ZC3H6: variants seen among roughly 807,000 people sequenced by gnomAD.
ZC3H6 encodes the protein zinc finger CCCH domain-containing protein 6.
Under a neutral mutation model 107.7 loss-of-function variants are expected in ZC3H6, and 40 were observed. The ratio of observed to expected loss-of-function variants is 0.37; its 90% CI spans 0.29 to 0.48. ZC3H6 has a LOEUF of 0.48. Ranked by LOEUF, ZC3H6 falls within the 20% of genes least tolerant of loss-of-function variation. The probability of loss-of-function intolerance (pLI) is 0.98; values close to 1 mark genes in which losing one functional copy is unlikely to be tolerated. For synonymous variants in ZC3H6, 493 were observed against 487.9 expected (o/e 1.01, Z -0.14); for missense variants, 1,267 against 1,410.4 (o/e 0.90, Z 1.63).
chr2:112,319,620 T>C (rs139182821), intron 7 of ZC3H6, among the ~76,000 whole-genome samples: 2,494 of 151,670 alleles, frequency 0.016, 69 homozygotes, highest in African/African-American at 0.057. Context: ...CACTCCAGCC[T>C]GAGCAACAGA....
Position 112,334,692 on chromosome 2 carries a change from C to A in ZC3H6, c.*2204C>A, listed in dbSNP as rs1178108679. The A allele has an allele frequency of 6.6e-6, 1 of 152,416 alleles. No individual in the cohort carries two copies. The highest frequency in any genetic ancestry group is 1.5e-5 in the Non-Finnish European group (1 of 67,958). 9.4% of individuals were successfully genotyped at this position (152,416 alleles called of 1,614,324 possible). On this transcript the variant is annotated 3_prime_UTR_variant, in exon 12 of 12. Coordinates refer to ENST00000409871, the MANE Select transcript of ZC3H6 (RefSeq NM_198581.3). ...TGTTTAAAATAACTTATTTATTATG[C>A]AGCATTTTTATTGTGATAACGTTAG...
Position 112,303,210 on chromosome 2 carries a change from G to A in ZC3H6, c.214-19G>A, listed in dbSNP as rs569838930. The A allele has an allele frequency of 1.1e-5, 17 of 1,591,638 alleles. No homozygotes were observed. Among genetic ancestry groups the A allele is most frequent in the Middle Eastern group, 1.7e-4 (1 of 5,956 alleles). On this transcript the variant is annotated intron_variant, in intron 2 of 11. Transcript: ENST00000409871. ...TTCCTTTTGCAAATGTAACATATTTGTCTTTCCCCTCCCTTCAGCATAATT... is the reference window on the plus strand; with the variant it reads ...TTCCTTTTGCAAATGTAACATATTTATCTTTCCCCTCCCTTCAGCATAATT...
chr2:112,332,282 G>C lies in ZC3H6; in HGVS notation c.3364G>C (p.Gly1122Arg). The C allele has an allele frequency of 6.2e-7, 1 of 1,613,904 alleles. No homozygotes were observed. Residue 1122 changes from glycine to arginine, a missense_variant, in exon 12 of 12, where the codon GGT becomes CGT. This residue lies in a region of ZC3H6 where 925 missense variants were observed against 1,025.7 expected (regional missense o/e 0.90). Transcript: ENST00000409871. ...ACAGGCGGACGTTCCCAGGAGTTCT[G>C]GTAAGGTTCAGGTCCCAGCAGTGCA... is the stretch of plus-strand genomic sequence containing the variant. ...DPQADVPRSSGKVQVPAVHSL... is the reference protein window; with the variant it reads ...DPQADVPRSSRKVQVPAVHSL...
At chr2:112,276,129 C>G in intron 1 of ZC3H6, 103 bp downstream of exon 1, 2 of 1,002,484 alleles carry the variant, frequency 2.0e-6, no homozygotes, top group Non-Finnish European at 2.9e-6. Flanking sequence ...CTAGACGTCT[C>G]TGTGTGGCTC....
rs1449463812 is a variant in ZC3H6, at chr2:112,333,332, T to C, written c.*844T>C. ...ATTGTGTTCATCATGACTTTGGCGA[T>C]TTTTAACAAAATTTTTAAAGACCCA... On this transcript the variant is annotated 3_prime_UTR_variant, in exon 12 of 12. Transcript: ENST00000409871. 1 of 152,608 alleles carries C rather than the reference T, an allele frequency of 6.6e-6. No homozygotes were observed. Among genetic ancestry groups the C allele is most frequent in the Non-Finnish European group, 1.5e-5 (1 of 67,982 alleles). 9.5% of individuals were successfully genotyped at this position (152,608 alleles called of 1,614,324 possible). A position where few individuals can be genotyped will look rare whatever the true frequency, so the allele number is the denominator to read the frequency against.
rs1676714141 is a variant in ZC3H6, at chr2:112,317,211, T to TC, written c.865-10_865-9insC. 7.2e-7 allele frequency: 1 copy of TC among 1,395,238 alleles called. No individual in the cohort carries two copies. The highest frequency in any genetic ancestry group is 1.5e-5 in the South Asian group (1 of 64,858). 86.4% of individuals were successfully genotyped at this position (1,395,238 alleles called of 1,614,324 possible). A position where few individuals can be genotyped will look rare whatever the true frequency, so the allele number is the denominator to read the frequency against. ...TTTTTCTTTTTTCTTTTTTTTTTTT[T>TC]TGTGAATAGGGAGATCAGTGTAAAT... On this transcript the variant is annotated splice_polypyrimidine_tract_variant and intron_variant, in intron 6 of 11. Transcript: ENST00000409871.
At chr2:112,291,152 A>G (rs1676106143) in intron 1 of ZC3H6, among the ~76,000 whole-genome samples, 1 of 152,252 alleles carries the variant, frequency 6.6e-6, no homozygotes, top group East Asian at 1.9e-4. Flanking sequence ...GTGTAAGCTA[A>G]TCTCAGTTTT....
In ZC3H6 at chr2:112,332,286, A is replaced by G. The variant is rs1361342333; in HGVS notation, c.3368A>G (p.Lys1123Arg). The G allele has an allele frequency of 4.3e-6, 7 of 1,613,758 alleles. No homozygotes were observed. The highest frequency in any genetic ancestry group is 2.5e-6 in the Non-Finnish European group (3 of 1,179,872). The change falls in exon 12 of 12, where the codon AAG becomes AGG. Residue 1123 changes from lysine (K) to arginine (R), a missense_variant. Physicochemically the swap from Lys to Arg is conservative, Grantham distance 26. Around this residue, in one of 3 missense-constraint regions of ZC3H6, gnomAD observed 925 missense variants for 1,025.7 expected, o/e 0.90. Coordinates refer to ENST00000409871, the MANE Select transcript of ZC3H6 (RefSeq NM_198581.3). ...PQADVPRSSG[K>R]VQVPAVHSLP... Reference sequence around the variant, plus strand: ...GCGGACGTTCCCAGGAGTTCTGGTAAGGTTCAGGTCCCAGCAGTGCACAGC... The same window carrying G: ...GCGGACGTTCCCAGGAGTTCTGGTAGGGTTCAGGTCCCAGCAGTGCACAGC...
chr2:112,276,105 G>A (rs1686412960), intron 1 of ZC3H6, 79 bp downstream of exon 1: 3 of 1,364,336 alleles, frequency 2.2e-6, no homozygotes, highest in Non-Finnish European at 3.0e-6. Context: ...GGGGCCGGGC[G>A]CCTCCTGCAT....
chr2:112,279,243 C>T (rs1445912421), intron 1 of ZC3H6, among the ~76,000 whole-genome samples: 1 of 152,142 alleles, frequency 6.6e-6, no homozygotes, highest in Non-Finnish European at 1.5e-5. Flanking sequence ...TCCAGCCGCT[C>T]AGTTTTATAT....
chr2:112,333,155 C>T lies in ZC3H6; in HGVS notation c.*667C>T, dbSNP rs1161030638. 1.3e-5 allele frequency: 2 copies of T among 152,488 alleles called. No homozygotes were observed. Among genetic ancestry groups the T allele is most frequent in the African/African-American group, 2.4e-5 (1 of 41,436 alleles). The allele number at this position is 152,488 out of a possible 1,614,324, so 9.4% of individuals were successfully genotyped here. ...AACATTTTGCTAAAGTGAAAAATTTCCAAGTTCTCTAGCATAACTTTTTAC... is the reference window on the plus strand; with the variant it reads ...AACATTTTGCTAAAGTGAAAAATTTTCAAGTTCTCTAGCATAACTTTTTAC... On this transcript the variant is annotated 3_prime_UTR_variant, in exon 12 of 12. Coordinates refer to ENST00000409871, the MANE Select transcript of ZC3H6 (RefSeq NM_198581.3).
Position 112,321,749 on chromosome 2 carries a change from T to C in ZC3H6, c.977-7T>C, listed in dbSNP as rs781485976. 2 of 1,470,256 alleles carry C rather than the reference T, an allele frequency of 1.4e-6. No individual in the cohort carries two copies. Among genetic ancestry groups the C allele is most frequent in the East Asian group, 2.4e-5 (1 of 40,850 alleles). 91.1% of individuals were successfully genotyped at this position (1,470,256 alleles called of 1,614,324 possible). ...TACTTGGTCTTTTCCTTAATATTTT[T>C]ATTTACATGAATTTCCATGCAAGTT... is the stretch of plus-strand genomic sequence containing the variant. On this transcript the variant is annotated splice_polypyrimidine_tract_variant and splice_region_variant and intron_variant, in intron 7 of 11. Coordinates refer to ENST00000409871, the MANE Select transcript of ZC3H6 (RefSeq NM_198581.3).
chr2:112,321,700 TA>T (rs546847051), intron 7 of ZC3H6, 55 bp from the exon 8 acceptor site: 1,265 of 1,039,952 alleles, frequency 1.2e-3, no homozygotes, highest in African/African-American at 4.6e-3. Context: ...GGTTTTGGTT[TA>T]AAAAAAAATT....
chr2:112,290,792 T>C (rs1427229654), intron 1 of ZC3H6, among the ~76,000 whole-genome samples: 1 of 152,272 alleles, frequency 6.6e-6, no homozygotes, highest in East Asian at 1.9e-4. Context: ...AGTAGTACTT[T>C]GTTCCTTTAC....
At chr2:112,285,605 G>T (rs1338523952) in intron 1 of ZC3H6, among the ~76,000 whole-genome samples, 1 of 151,986 alleles carries the variant, frequency 6.6e-6, no homozygotes, top group Non-Finnish European at 1.5e-5. Context: ...GGATCTGCTG[G>T]CCTCAGTCTT....
At chr2:112,314,150 T>G (rs1676646244) in intron 5 of ZC3H6, among the ~76,000 whole-genome samples, 1 of 151,510 alleles carries the variant, frequency 6.6e-6, no homozygotes, top group Non-Finnish European at 1.5e-5. Flanking sequence ...GGTAGCTTGG[T>G]TTTTTTTCTC....
chr2:112,331,577 G>A lies in ZC3H6; in HGVS notation c.2659G>A (p.Val887Ile). 1 of 1,613,874 alleles carries A rather than the reference G, an allele frequency of 6.2e-7. No individual in the cohort carries two copies. Among genetic ancestry groups the A allele is most frequent in the South Asian group, 1.1e-5 (1 of 91,074 alleles). The change falls in exon 12 of 12, where the codon GTA (valine) becomes ATA (isoleucine). Residue 887 changes from valine to isoleucine, a missense_variant. By Grantham distance (29) the Val-to-Ile change is conservative. Transcript: ENST00000409871. ...GTGGGCTCCCGAAGACTTACTTCCA[G>A]TACCTTTACCTAAACCTGATCCAGT... ...IVWAPEDLLP[V>I]PLPKPDPVSS...
intron 5 of ZC3H6, among the ~76,000 whole-genome samples, chr2:112,313,802 C>T (rs149520001): frequency 2.2e-3 from 332 of 152,190 alleles, no homozygotes; most frequent in Non-Finnish European, 3.4e-3. Flanking sequence ...AAGATAGATC[C>T]GTCTCTGTCC....
chr2:112,332,420 G>C lies in ZC3H6; in HGVS notation c.3502G>C (p.Glu1168Gln), dbSNP rs1282632333. ...SPTPDNDPGR[E>Q]TDDKSLKEVF... ...GACCCCAGATAATGATCCCGGTAGA[G>C]AAACAGATGACAAATCTCTGAAAGA... Residue 1168 changes from glutamate to glutamine, a missense_variant, in exon 12 of 12, where the codon GAA (glutamate) becomes CAA (glutamine). Glu to Gln is a conservative substitution (Grantham distance 29, BLOSUM62 2). Transcript: ENST00000409871. 4.3e-6 allele frequency: 7 copies of C among 1,611,740 alleles called. No homozygotes were observed. In the African/African-American group the frequency reaches 9.3e-5, roughly 22 times the overall value.
Sources: allele counts gnomAD v4.1 joint callset (sites outside exome capture counted in the v4.1 genomes callset), GRCh38; gene constraint gnomAD v4.1.1; regional missense constraint gnomAD v4.1.1; transcripts MANE v1.5; gene names NCBI Gene and HGNC (gene_info 2026-07-23, HGNC 2026-07-21).